The following CDK14 variants were observed in gnomAD, a reference collection of about 807,000 sequenced individuals.
The protein encoded by CDK14 is cyclin-dependent kinase 14.
In CDK14, 34 loss-of-function variants were observed where a neutral mutation model predicts 60.7. The ratio of observed to expected loss-of-function variants is 0.56; its 90% confidence interval spans 0.43 to 0.75. The LOEUF is 0.75. Among genes scored for constraint, CDK14 ranks in the 30% least tolerant of loss-of-function variants. The pLI, the probability that CDK14 is intolerant of heterozygous loss-of-function variation, is 0.00. For missense variants in CDK14, 482 were observed against 564.1 expected, an observed-to-expected ratio of 0.85 and a Z score of 1.47; for synonymous variants, 197 against 203.7, an observed-to-expected ratio of 0.97 and a Z score of 0.28.
At chr7:90,793,722 TA>T (rs1805926814) in intron 5 of CDK14, among the ~76,000 whole-genome samples, 1 of 108 alleles carries the variant, frequency 9.3e-3, no homozygotes, top group Non-Finnish European at 0.019. Context: ...GAGAAACTCT[TA>T]ATACAGAGGG....
In CDK14 at chr7:90,670,085, C is replaced by G. The variant is rs549528365; in HGVS notation, c.124-56482C>G. ...TTTATAGTAGTTGGATGTGTTGTTA[C>G]ACTCTACCATTGGTATGACTATACC... On this transcript the variant is annotated intron_variant, in intron 2 of 14. Transcript: ENST00000380050. Among the ~76,000 whole-genome samples the G allele has an allele frequency of 8.5e-5, 13 of 152,292 alleles. No homozygotes were observed. In the East Asian group the frequency reaches 2.5e-3, roughly 29 times the overall value.
intron 4 of CDK14, among the ~76,000 whole-genome samples, chr7:90,782,907 T>C (rs1805404798): frequency 6.6e-6 from 1 of 152,052 alleles, no homozygotes; most frequent in African/African-American, 2.4e-5. Flanking sequence ...GCAGTGAGAG[T>C]ACAAGGATAG....
intron 4 of CDK14, among the ~76,000 whole-genome samples, chr7:90,766,441 A>G (rs1247053454): frequency 6.6e-6 from 1 of 152,196 alleles, no homozygotes; most frequent in Non-Finnish European, 1.5e-5. Flanking sequence ...TAACAATCCT[A>G]GAAGAGATTT....
chr7:90,856,511 C>A (rs1306943057), intron 5 of CDK14, among the ~76,000 whole-genome samples: 1 of 152,140 alleles, frequency 6.6e-6, no homozygotes, highest in Admixed American at 6.6e-5. Context: ...AAGCAGGCAG[C>A]ATGCATTATA....
At position 90,699,220 on chromosome 7, in the gene CDK14, A is replaced by G. The variant is rs74676104; in HGVS notation, c.124-27347A>G. On this transcript the variant is annotated intron_variant, in intron 2 of 14. Coordinates refer to ENST00000380050, the MANE Select transcript of CDK14 (RefSeq NM_001287135.2). ...ACAGCCCATGGCTGATACAGAAGAAAGTGCCAGACTGATCTGAACCAAGAG... is the reference window on the plus strand; with the variant it reads ...ACAGCCCATGGCTGATACAGAAGAAGGTGCCAGACTGATCTGAACCAAGAG... Among the ~76,000 whole-genome samples, 1,507 of 152,354 alleles carry G rather than the reference A, an allele frequency of 9.9e-3. 26 individuals carry two copies. Among genetic ancestry groups the G allele is most frequent in the African/African-American group, 0.033 (1,382 of 41,578 alleles).
intron 12 of CDK14, among the ~76,000 whole-genome samples, chr7:91,106,361 A>G (rs1378712630): frequency 6.6e-6 from 1 of 152,244 alleles, no homozygotes; most frequent in Non-Finnish European, 1.5e-5. Flanking sequence ...ATTATCCTGT[A>G]TGAAAACAAA....
chr7:90,828,002 C>T (rs1218058421), intron 5 of CDK14, among the ~76,000 whole-genome samples: 1 of 152,200 alleles, frequency 6.6e-6, no homozygotes, highest in Non-Finnish European at 1.5e-5. Flanking sequence ...ATTGATATTA[C>T]ATGCATAGTC....
At chr7:91,018,543 A>T (rs1796358436) in intron 10 of CDK14, among the ~76,000 whole-genome samples, 1 of 152,156 alleles carries the variant, frequency 6.6e-6, no homozygotes, top group Admixed American at 6.5e-5. Context: ...AAGGGCATTG[A>T]TATGGTTTGG....
intron 13 of CDK14, among the ~76,000 whole-genome samples, chr7:91,117,516 C>T (rs753450857): frequency 4.6e-5 from 7 of 152,084 alleles, no homozygotes; most frequent in Non-Finnish European, 8.8e-5. Flanking sequence ...CCACCAATGT[C>T]CCTTCTCAGG....
At chr7:90,659,442 CT>C (rs1453066279) in intron 2 of CDK14, among the ~76,000 whole-genome samples, 2 of 152,118 alleles carry the variant, frequency 1.3e-5, no homozygotes, top group Admixed American at 6.6e-5. Flanking sequence ...AGTACAGCTT[CT>C]TTTTGTTCAA....
chr7:90,784,993 TC>T (rs1805515319), intron 4 of CDK14, among the ~76,000 whole-genome samples: 1 of 152,206 alleles, frequency 6.6e-6, no homozygotes, highest in Admixed American at 6.5e-5. Context: ...CTTGCCCTAC[TC>T]CAGCATTCTA....
intron 12 of CDK14, among the ~76,000 whole-genome samples, chr7:91,093,139 C>T (rs1205144072): frequency 6.6e-6 from 1 of 152,200 alleles, no homozygotes; most frequent in Non-Finnish European, 1.5e-5. Flanking sequence ...CAGTTTGATA[C>T]TCTGCAGCTC....
intron 8 of CDK14, among the ~76,000 whole-genome samples, chr7:90,949,525 A>C (rs1409225370): frequency 6.6e-6 from 1 of 152,148 alleles, no homozygotes; most frequent in Non-Finnish European, 1.5e-5. Flanking sequence ...TTTTTAAAAA[A>C]TCTGTGCCGT....
intron 11 of CDK14, among the ~76,000 whole-genome samples, chr7:91,047,004 C>T (rs1220483704): frequency 6.6e-6 from 1 of 152,162 alleles, no homozygotes; most frequent in African/African-American, 2.4e-5. Flanking sequence ...GCCCTAAAGA[C>T]TCTTTGTACT....
chr7:90,735,606 G>T (rs754693197), intron 3 of CDK14, among the ~76,000 whole-genome samples: 1 of 152,226 alleles, frequency 6.6e-6, no homozygotes, highest in Non-Finnish European at 1.5e-5. Flanking sequence ...CAACCTTCCC[G>T]ATGGCTTTGT....
chr7:90,712,992 A>T (rs1014567946), intron 2 of CDK14, among the ~76,000 whole-genome samples: 1 of 116,360 alleles, frequency 8.6e-6, no homozygotes, highest in African/African-American at 3.1e-5. Context: ...GCTGCCCGCC[A>T]TGGGCCTTCT....
intron 3 of CDK14, among the ~76,000 whole-genome samples, chr7:90,745,202 C>G (rs1803540547): frequency 6.6e-6 from 1 of 152,226 alleles, no homozygotes; most frequent in East Asian, 1.9e-4. Flanking sequence ...CTGTTCCTTG[C>G]CTTTTCCCCC....
intron 11 of CDK14, among the ~76,000 whole-genome samples, chr7:91,048,475 A>G (rs1797301057): frequency 1.3e-5 from 2 of 152,236 alleles, no homozygotes; most frequent in African/African-American, 2.4e-5. Flanking sequence ...GTGCCTATAC[A>G]TACACATACA....
At chr7:90,899,829 T>C (rs1328953451) in intron 7 of CDK14, among the ~76,000 whole-genome samples, 3 of 152,148 alleles carry the variant, frequency 2.0e-5, no homozygotes, top group Non-Finnish European at 4.4e-5. Context: ...GTAGAAATAT[T>C]ACTACCGAGT....
Sources: allele counts gnomAD v4.1 joint callset (sites outside exome capture counted in the v4.1 genomes callset), GRCh38; gene constraint gnomAD v4.1.1; transcripts MANE v1.5; gene names NCBI Gene and HGNC (gene_info 2026-07-23, HGNC 2026-07-21).